The following TTC3 variants were observed in gnomAD, a reference collection of about 807,000 sequenced individuals.
TTC3 encodes the protein E3 ubiquitin-protein ligase TTC3.
A neutral mutation model predicts 249.6 loss-of-function variants in TTC3; 180 were observed. The ratio of observed to expected loss-of-function variants is 0.72; its 90% CI spans 0.64 to 0.82. TTC3 has a LOEUF of 0.82. TTC3 is among the 40% of genes least tolerant of loss of function. The pLI is 0.00. For synonymous variants in TTC3, 717 were observed against 805.0 expected, an observed-to-expected ratio of 0.89 and a Z score of 1.85; for missense variants, 2,061 against 2,398.4, an observed-to-expected ratio of 0.86 and a Z score of 2.94.
chr21:37,088,006 A>G, intron 3 of TTC3, 131 bp downstream of exon 3: 2 of 964,412 alleles, frequency 2.1e-6, no homozygotes, highest in Non-Finnish European at 1.5e-6. Context: ...TTCACTAGAA[A>G]TCAGAACTTT....
At chr21:37,193,542 G>A (rs375723128) in intron 41 of TTC3, among the ~76,000 whole-genome samples, 1 of 152,148 alleles carries the variant, frequency 6.6e-6, no homozygotes, top group Non-Finnish European at 1.5e-5. Flanking sequence ...TAGAGAAAAC[G>A]TTGGCTCTCA....
At position 37,132,779 on chromosome 21, in the gene TTC3, C is replaced by A; in HGVS notation, c.1443+13C>A. On this transcript the variant is annotated intron_variant, in intron 17 of 45. Transcript: ENST00000355666. ...AGCTGCACACCAGGTAATGGAGAAG[C>A]TTTTCCAATGGAAAAAGCAAAACTC... The A allele has an allele frequency of 6.3e-7, 1 of 1,579,464 alleles. No individual in the cohort carries two copies. The highest frequency in any genetic ancestry group is 1.2e-5 in the South Asian group (1 of 82,670).
At chr21:37,164,004 AG>A in intron 31 of TTC3, 46 bp from the exon 32 acceptor site, 1 of 1,555,688 alleles carries the variant, frequency 6.4e-7, no homozygotes, top group Non-Finnish European at 8.7e-7. Flanking sequence ...AATAAACCAA[AG>A]GTCTATCATC....
At chr21:37,123,537 G>A (rs1000208393) in intron 13 of TTC3, among the ~76,000 whole-genome samples, 2 of 152,140 alleles carry the variant, frequency 1.3e-5, no homozygotes. Context: ...TAGCAGCCAG[G>A]GTTCTACCTT....
At chr21:37,104,525 G>A (rs1030091480) in intron 10 of TTC3, among the ~76,000 whole-genome samples, 3 of 150,704 alleles carry the variant, frequency 2.0e-5, no homozygotes, top group Non-Finnish European at 2.9e-5. Context: ...GGGAGGCGGA[G>A]GTTGCAGTGA....
chr21:37,167,704 G>T, intron 34 of TTC3, 84 bp downstream of exon 34: 2 of 1,062,604 alleles, frequency 1.9e-6, no homozygotes, highest in South Asian at 3.0e-5. Flanking sequence ...AACTATTTTG[G>T]AGTCAGCTTA....
intron 28 of TTC3, 64 bp downstream of exon 28, chr21:37,156,970 A>T: frequency 6.5e-7 from 1 of 1,546,370 alleles, no homozygotes; most frequent in Non-Finnish European, 8.7e-7. Flanking sequence ...TCTGTGAAGG[A>T]CCTAGCTTGT....
intron 10 of TTC3, among the ~76,000 whole-genome samples, chr21:37,105,098 A>G (rs1035962236): frequency 5.3e-5 from 8 of 152,206 alleles, no homozygotes; most frequent in Non-Finnish European, 1.2e-4. Context: ...AGTGGTCAGC[A>G]GTGTCTGTTG....
At chr21:37,127,460 T>C (rs2077124345) in intron 15 of TTC3, among the ~76,000 whole-genome samples, 2 of 152,212 alleles carry the variant, frequency 1.3e-5, no homozygotes, top group African/African-American at 4.8e-5. Context: ...ATTTTTGTGC[T>C]TCATTTATTT....
intron 21 of TTC3, among the ~76,000 whole-genome samples, chr21:37,145,008 G>A (rs2078863362): frequency 6.6e-6 from 1 of 152,190 alleles, no homozygotes; most frequent in South Asian, 2.1e-4. Flanking sequence ...TTCTGAGTAT[G>A]CATGATCATG....
chr21:37,104,289 G>A (rs2074829691), intron 10 of TTC3, among the ~76,000 whole-genome samples: 1 of 152,140 alleles, frequency 6.6e-6, no homozygotes, highest in South Asian at 2.1e-4. Flanking sequence ...CTCGGACACT[G>A]AATCGAAGTG....
intron 16 of TTC3, among the ~76,000 whole-genome samples, chr21:37,130,137 CA>C (rs2077353408): frequency 6.6e-6 from 1 of 152,016 alleles, no homozygotes; most frequent in South Asian, 2.1e-4. Context: ...ATAGATGCTT[CA>C]GGGGGAATGA....
At chr21:37,077,023 T>C (rs1218110334) in intron 1 of TTC3, among the ~76,000 whole-genome samples, 2 of 152,030 alleles carry the variant, frequency 1.3e-5, no homozygotes, top group Non-Finnish European at 1.5e-5. Context: ...AATACCACTA[T>C]AGTGTTAGGG....
At chr21:37,188,336 A>G (rs780846394) in intron 38 of TTC3, 159 bp from the exon 39 acceptor site, 1 of 549,952 alleles carries the variant, frequency 1.8e-6, no homozygotes, top group African/African-American at 1.9e-5. Context: ...CTCAAAGTCT[A>G]ATTCATGTTC....
At chr21:37,160,746 T>G in intron 29 of TTC3, 56 bp from the exon 30 acceptor site, 3 of 1,566,074 alleles carry the variant, frequency 1.9e-6, no homozygotes, top group Non-Finnish European at 2.6e-6. Flanking sequence ...TTCTTTATGT[T>G]GAGCTTCATA....
Position 37,126,037 on chromosome 21 carries a change from GGTT to G in TTC3, c.1234-39_1234-37del, listed in dbSNP as rs777099795. 14 of 1,373,780 alleles carry G rather than the reference GGTT, an allele frequency of 1.0e-5. No individual in the cohort carries two copies. The African/African-American group carries it at 1.4e-4, about 13-fold the overall frequency. 85.1% of individuals were successfully genotyped at this position (1,373,780 alleles called of 1,614,324 possible). A position where few individuals can be genotyped will look rare whatever the true frequency, so the allele number is the denominator to read the frequency against. On this transcript the variant is annotated intron_variant, in intron 14 of 45. Transcript: ENST00000355666. ...ATAGCTATTGAATTCTTCATGGCTG[GGTT>G]GTTTTTTTTTTTTTTAAGTCTCACT...
At chr21:37,085,902 G>A (rs1478081919) in intron 1 of TTC3, 4 of 152,230 alleles carry the variant, frequency 2.6e-5, no homozygotes, top group Admixed American at 6.5e-5. Context: ...AGAAGCTATG[G>A]CAACTAAAGA....
chr21:37,091,880 C>T (rs1308146564), intron 7 of TTC3, among the ~76,000 whole-genome samples: 4 of 151,876 alleles, frequency 2.6e-5, no homozygotes, highest in East Asian at 3.9e-4. Context: ...CGTGCCTGGC[C>T]GAAAAAGAGA....
exon 2 of TTC3, chr21:37,087,361 A>T (rs774456054): frequency 6.2e-7 from 1 of 1,613,976 alleles, no homozygotes; most frequent in Non-Finnish European, 8.5e-7. Flanking sequence ...TTTATGAGCA[A>T]TGATTATGTT....
Sources: allele counts gnomAD v4.1 joint callset (sites outside exome capture counted in the v4.1 genomes callset), GRCh38; gene constraint gnomAD v4.1.1; transcripts MANE v1.5; gene names NCBI Gene and HGNC (gene_info 2026-07-23, HGNC 2026-07-21).